TTN: variants seen among roughly 807,000 people sequenced by gnomAD.
TTN encodes connectin.
A neutral mutation model predicts 3,223.0 loss-of-function variants in TTN; 1,525 were observed. The observed-to-expected ratio is 0.47, with a 90% CI of 0.45 to 0.49. TTN has a LOEUF of 0.49. Among genes scored for constraint, TTN ranks in the 20% least tolerant of loss-of-function variants. The probability of loss-of-function intolerance (pLI) is 0.00; values close to 1 mark genes in which losing one functional copy is unlikely to be tolerated. For synonymous variants in TTN, 14,094 were observed against 15,161.0 expected (o/e 0.93, Z 5.17); for missense variants, 40,786 against 43,424.0 (o/e 0.94, Z 5.40).
At chr2:178,771,689 G>C (rs1391386040) in intron 33 of TTN, among the ~76,000 whole-genome samples, 1 of 152,110 alleles carries the variant, frequency 6.6e-6, no homozygotes, top group Admixed American at 6.6e-5. Context: ...AATCAGAAAA[G>C]TTTTGTGAAG....
At chr2:178,805,170 CCT>C (rs1175056437) in intron 1 of TTN, among the ~76,000 whole-genome samples, 3 of 151,564 alleles carry the variant, frequency 2.0e-5, no homozygotes. Context: ...TGGTGAAACC[CCT>C]GTCTCTACTA....
Position 178,567,033 on chromosome 2 carries a change from A to G in TTN, c.79099T>C (p.Tyr26367His), listed in dbSNP as rs772020430. Residue 26367 changes from tyrosine to histidine, a missense_variant, in exon 326 of 363, where the codon TAT becomes CAT. Physicochemically the swap from Tyr to His is moderately conservative, Grantham distance 83. Coordinates refer to ENST00000589042, the MANE Select transcript of TTN (RefSeq NM_001267550.2). Reference sequence around the variant, plus strand: ...GATTCCAAAGGCTCTCCAACACCATATTTGTTGACAGCCATTATACGGAAA... The same window carrying G: ...GATTCCAAAGGCTCTCCAACACCATGTTTGTTGACAGCCATTATACGGAAA... ...YVFRIMAVNK[Y>H]GVGEPLESAP... 3.7e-6 allele frequency: 6 copies of G among 1,613,618 alleles called. No individual in the cohort carries two copies. Among genetic ancestry groups the G allele is most frequent in the Non-Finnish European group, 5.1e-6 (6 of 1,179,638 alleles).
At position 178,564,653 on chromosome 2, in the gene TTN, T is replaced by C; in HGVS notation, c.81479A>G (p.Lys27160Arg). Residue 27160 changes from lysine to arginine, a missense_variant, in exon 326 of 363, where the codon AAA becomes AGA. Lys to Arg is a conservative substitution (Grantham distance 26, BLOSUM62 2). Transcript: ENST00000589042. ...ENIVGIGKPS[K>R]VSECFVARDP... ...ACGAGCAACAAAGCATTCTGACACT[T>C]TGCTAGGCTTGCCAATGCCAACAAT... 1 of 1,613,512 alleles carries C rather than the reference T, an allele frequency of 6.2e-7. No individual in the cohort carries two copies. Among genetic ancestry groups the C allele is most frequent in the Non-Finnish European group, 8.5e-7 (1 of 1,179,690 alleles).
At chr2:178,597,434 C>T in intron 294 of TTN, 104 bp downstream of exon 294, 2 of 1,349,682 alleles carry the variant, frequency 1.5e-6, no homozygotes. Context: ...GGTGATTTTT[C>T]TTATTTTCCA....
In TTN at chr2:178,802,256, G is replaced by T. The variant is rs191057824; in HGVS notation, c.177C>A (p.Ser59Arg). The T allele has an allele frequency of 8.9e-5, 143 of 1,613,984 alleles. No individual in the cohort carries two copies. Among genetic ancestry groups the T allele is most frequent in the Non-Finnish European group, 1.1e-4 (129 of 1,180,006 alleles). Reference sequence around the variant, plus strand: ...GGATCGTCAGTTTAGCGCGGCCATCGCTAAAGGAGATCTGCACGCCGGGCA... The same window carrying T: ...GGATCGTCAGTTTAGCGCGGCCATCTCTAAAGGAGATCTGCACGCCGGGCA... ...STLPGVQISF[S>R]DGRAKLTIPA... The change falls in exon 3 of 363, where the codon AGC (serine) becomes AGA (arginine). Residue 59 changes from serine (S) to arginine (R), a missense_variant. Transcript: ENST00000589042.
In TTN at chr2:178,683,298, A is replaced by G; in HGVS notation, c.32807-7T>C. ...CTTTTTCTGAATTCAGTCACTTTAA[A>G]GGAGTAATTATTAAAAGTGAATTGC... is the stretch of plus-strand genomic sequence containing the variant. On this transcript the variant is annotated splice_polypyrimidine_tract_variant and splice_region_variant and intron_variant, in intron 133 of 362. Transcript: ENST00000589042. 6.8e-7 allele frequency: 1 copy of G among 1,476,600 alleles called. No homozygotes were observed. Among genetic ancestry groups the G allele is most frequent in the Non-Finnish European group, 9.1e-7 (1 of 1,093,720 alleles). 91.5% of individuals were successfully genotyped at this position (1,476,600 alleles called of 1,614,324 possible). A position where few individuals can be genotyped will look rare whatever the true frequency, so the allele number is the denominator to read the frequency against.
rs773746281 is a variant in TTN, at chr2:178,604,741, T to A, written c.54348A>T (p.Glu18116Asp). 7.4e-6 allele frequency: 12 copies of A among 1,611,690 alleles called. No individual in the cohort carries two copies. The African/African-American group carries it at 9.4e-5, about 13-fold the overall frequency. ...DASRKKAEWEEVTNTAVEKRY... is the reference protein window; with the variant it reads ...DASRKKAEWEDVTNTAVEKRY... ...TTTTCTCTACAGCAGTGTTGGTGAC[T>A]TCCTCCCATTCTGCTTTCTTCCTAC... is the stretch of plus-strand genomic sequence containing the variant. The change falls in exon 281 of 363, where the codon GAA becomes GAT. Residue 18116 changes from glutamate (E) to aspartate (D), a missense_variant. Transcript: ENST00000589042.
Position 178,715,077 on chromosome 2 carries a change from C to G in TTN, c.26109G>C (p.Leu8703=). 1 of 1,613,718 alleles carries G rather than the reference C, an allele frequency of 6.2e-7. No individual in the cohort carries two copies. The highest frequency in any genetic ancestry group is 2.2e-5 in the East Asian group (1 of 44,862). Reference sequence around the variant, plus strand: ...CCCCAATGTCTGCAGCATCGACATTCAGGATGTGGATACTGGTTAGGAAGT... The same window carrying G: ...CCCCAATGTCTGCAGCATCGACATTGAGGATGTGGATACTGGTTAGGAAGT... ...SENFLTSIHI[L]NVDAADIGEY... is the part of the protein sequence containing the mutation. Residue 8703 remains leucine, a synonymous_variant, in exon 90 of 363, where the codon CTG becomes CTC. Transcript: ENST00000589042.
chr2:178,641,376 C>T, intron 219 of TTN, 61 bp from the exon 220 acceptor site: 1 of 986,456 alleles, frequency 1.0e-6, no homozygotes, highest in Non-Finnish European at 1.5e-6. Flanking sequence ...GTTGAATAAG[C>T]TTGACAAATG....
chr2:178,679,066 T>C (rs533435301), intron 142 of TTN, among the ~76,000 whole-genome samples: 7 of 151,912 alleles, frequency 4.6e-5, no homozygotes, highest in Non-Finnish European at 7.4e-5. Flanking sequence ...TGGTAAATGA[T>C]GGTTTTGTCC....
At chr2:178,714,650 G>A in intron 90 of TTN, 77 bp from the exon 91 acceptor site, 1 of 1,422,914 alleles carries the variant, frequency 7.0e-7, no homozygotes, top group East Asian at 2.4e-5. Context: ...TGAATGCCGG[G>A]AATCAAACTA....
rs1447655466 is a variant in TTN, at chr2:178,566,085, T to C, written c.80047A>G (p.Thr26683Ala). The change falls in exon 326 of 363, where the codon ACT (threonine) becomes GCT (alanine). Residue 26683 changes from threonine to alanine, a missense_variant. By Grantham distance (58) the Thr-to-Ala change is moderately conservative. Coordinates refer to ENST00000589042, the MANE Select transcript of TTN (RefSeq NM_001267550.2). ...SAFVTVKVLD[T>A]PGPPQNLAVK... ...GCCAAATTCTGTGGTGGTCCTGGAG[T>C]GTCAAGAACTTTCACAGTTACAAAA... 8 of 1,613,606 alleles carry C rather than the reference T, an allele frequency of 5.0e-6. No individual in the cohort carries two copies. The highest frequency in any genetic ancestry group is 1.3e-5 in the African/African-American group (1 of 74,996).
rs762898731 is a variant in TTN at position 178,593,793 on chromosome 2, G to A, written c.58507C>T (p.Pro19503Ser). The A allele has an allele frequency of 6.2e-7, 1 of 1,612,892 alleles. No homozygotes were observed. Among genetic ancestry groups the A allele is most frequent in the East Asian group, 2.2e-5 (1 of 44,604 alleles). Residue 19503 changes from proline to serine, a missense_variant, in exon 298 of 363, where the codon CCT becomes TCT. Coordinates refer to ENST00000589042, the MANE Select transcript of TTN (RefSeq NM_001267550.2). ...TTACTGCCTCCATCATCTAAAGGAG[G>A]CTTCCAAGAGATAACCATGTAATCT... is the stretch of plus-strand genomic sequence containing the variant. The part of the protein sequence containing the change: ...TKDYMVISWK[P>S]PLDDGGSKIT...
chr2:178,582,635 T>C, intron 313 of TTN, 43 bp from the exon 314 acceptor site: 5 of 1,560,558 alleles, frequency 3.2e-6, no homozygotes, highest in Non-Finnish European at 3.5e-6. Context: ...GAATGGGGAA[T>C]GAGTATAGAG....
intron 45 of TTN, 64 bp downstream of exon 45, chr2:178,757,477 AT>A: frequency 6.8e-7 from 1 of 1,475,868 alleles, no homozygotes; most frequent in Non-Finnish European, 9.0e-7. Flanking sequence ...AGAGACTCTC[AT>A]TAGTAACAGT....
At position 178,805,108 on chromosome 2, in the gene TTN, C is replaced by T. The variant is rs1427871510; in HGVS notation, c.-13-453G>A. Among the ~76,000 whole-genome samples the T allele has an allele frequency of 5.9e-5, 9 of 151,660 alleles. No homozygotes were observed. In the South Asian group the frequency reaches 6.3e-4, roughly 11 times the overall value. Reference sequence around the variant, plus strand: ...TGGTAATCCCAGCACTTTAGGAGGCCGAGGCGGGAGGATTACTTGAGGTCA... The same window carrying T: ...TGGTAATCCCAGCACTTTAGGAGGCTGAGGCGGGAGGATTACTTGAGGTCA... On this transcript the variant is annotated intron_variant, in intron 1 of 362. Transcript: ENST00000589042.
At chr2:178,687,150 A>AT (rs1189598503) in intron 127 of TTN, among the ~76,000 whole-genome samples, 2 of 152,256 alleles carry the variant, frequency 1.3e-5, no homozygotes, top group African/African-American at 4.8e-5. Flanking sequence ...TATTAGACAG[A>AT]TAAAAACAGA....
chr2:178,527,424 T>TA, intron 362 of TTN, 22 bp downstream of exon 362: 1 of 1,605,708 alleles, frequency 6.2e-7, no homozygotes, highest in Non-Finnish European at 8.5e-7. Context: ...TGTCTACCTC[T>TA]ACCAGTAATT....
At chr2:178,664,232 TG>T in intron 168 of TTN, 134 bp from the exon 169 acceptor site, 1 of 949,660 alleles carries the variant, frequency 1.1e-6, no homozygotes, top group African/African-American at 1.7e-5. Context: ...CCATAATAGG[TG>T]GTGTTTCAGG....
Sources: allele counts gnomAD v4.1 joint callset (sites outside exome capture counted in the v4.1 genomes callset), GRCh38; gene constraint gnomAD v4.1.1; transcripts MANE v1.5; gene names NCBI Gene and HGNC (gene_info 2026-07-23, HGNC 2026-07-21).